Variants in AHCYL2 observed in about 807,000 individuals in gnomAD.
AHCYL2 encodes S-adenosylhomocysteine hydrolase-like protein 2.
In AHCYL2, 28 loss-of-function variants were observed where a neutral mutation model predicts 81.4. The ratio of observed to expected loss-of-function variants is 0.34; its 90% CI spans 0.25 to 0.47. AHCYL2 has a LOEUF of 0.47. AHCYL2 is among the 20% of genes least tolerant of loss of function. The pLI is 1.00. For synonymous variants in AHCYL2, 272 were observed against 290.2 expected, an observed-to-expected ratio of 0.94 and a Z score of 0.64; for missense variants, 551 against 785.1, an observed-to-expected ratio of 0.70 and a Z score of 3.56.
intron 1 of AHCYL2, among the ~76,000 whole-genome samples, chr7:129,348,775 T>A (rs1287052225): frequency 6.6e-6 from 1 of 152,210 alleles, no homozygotes; most frequent in Non-Finnish European, 1.5e-5. Context: ...TTTCTTCACC[T>A]AGGCCAAGGA....
intron 1 of AHCYL2, among the ~76,000 whole-genome samples, chr7:129,362,802 G>T (rs910974408): frequency 4.0e-5 from 6 of 151,776 alleles, no homozygotes; most frequent in Non-Finnish European, 2.9e-5. Context: ...AAGAAGACAG[G>T]GTCACATTCT....
At chr7:129,389,884 G>A in intron 4 of AHCYL2, 150 bp downstream of exon 4, 1 of 587,410 alleles carries the variant, frequency 1.7e-6, no homozygotes, top group South Asian at 2.9e-5. Context: ...AGGTATTCTT[G>A]TTTCCATTTT....
At chr7:129,284,482 C>G (rs938949069) in intron 1 of AHCYL2, among the ~76,000 whole-genome samples, 1 of 151,850 alleles carries the variant, frequency 6.6e-6, no homozygotes, top group Non-Finnish European at 1.5e-5. Context: ...GCCTGTAATC[C>G]CAGCTGCTTG....
At chr7:129,416,351 T>C (rs549210798) in intron 12 of AHCYL2, among the ~76,000 whole-genome samples, 1 of 152,338 alleles carries the variant, frequency 6.6e-6, no homozygotes, top group Admixed American at 6.5e-5. Context: ...ATGGAGCTTA[T>C]ATCATAGTGA....
intron 1 of AHCYL2, among the ~76,000 whole-genome samples, chr7:129,339,304 TA>T (rs1347610422): frequency 1.3e-5 from 2 of 152,346 alleles, no homozygotes; most frequent in East Asian, 3.9e-4. Context: ...TGAGAGTTAA[TA>T]TCTCTCAAAC....
chr7:129,347,092 T>C lies in AHCYL2; in HGVS notation c.364-32546T>C, dbSNP rs374825487. Among the ~76,000 whole-genome samples, 24 of 152,224 alleles carry C rather than the reference T, an allele frequency of 1.6e-4. No homozygotes were observed. In the South Asian group the frequency reaches 3.7e-3, roughly 24 times the overall value. On this transcript the variant is annotated intron_variant, in intron 1 of 16. Transcript: ENST00000325006. Reference sequence around the variant, plus strand: ...GTGACCTTCTGGTAGAGGAAAAATATGGAGACAGTGAAACGATCAGTGGTT... The same window carrying C: ...GTGACCTTCTGGTAGAGGAAAAATACGGAGACAGTGAAACGATCAGTGGTT...
In AHCYL2 at chr7:129,368,947, A is replaced by C. The variant is rs370747574; in HGVS notation, c.364-10691A>C. Among the ~76,000 whole-genome samples, 6 of 152,340 alleles carry C rather than the reference A, an allele frequency of 3.9e-5. No individual in the cohort carries two copies. The East Asian group carries it at 9.6e-4, about 24-fold the overall frequency. ...GAGAAAAAACAAAAACAGAACTTAC[A>C]GAAATGGTGCTCTCTGAAGTCTGCA... is the stretch of plus-strand genomic sequence containing the variant. On this transcript the variant is annotated intron_variant, in intron 1 of 16. Coordinates refer to ENST00000325006, the MANE Select transcript of AHCYL2 (RefSeq NM_015328.4). This position sits in a 1 kb window ranked among gnomAD's most constrained non-coding sequence, Gnocchi z 4.4.
chr7:129,368,204 G>A lies in AHCYL2; in HGVS notation c.364-11434G>A. 8.0e-7 allele frequency: 1 copy of A among 1,249,394 alleles called. No individual in the cohort carries two copies. Among genetic ancestry groups the A allele is most frequent in the Non-Finnish European group, 1.0e-6 (1 of 991,482 alleles). The allele number at this position is 1,249,394 out of a possible 1,614,324, so 77.4% of individuals were successfully genotyped here. A position where few individuals can be genotyped will look rare whatever the true frequency, so the allele number is the denominator to read the frequency against. On this transcript the variant is annotated intron_variant, in intron 1 of 16. Coordinates refer to ENST00000325006, the MANE Select transcript of AHCYL2 (RefSeq NM_015328.4). The surrounding 1 kb of genome is among the most constrained non-coding windows in gnomAD (Gnocchi z 4.4). ...AGTGTTTGGGTAGCATTAAAACAGT[G>A]AGTGCCCTGTGAGAAGCACAGTGCC...
At chr7:129,252,280 G>T (rs1230928483) in intron 1 of AHCYL2, among the ~76,000 whole-genome samples, 3 of 152,146 alleles carry the variant, frequency 2.0e-5, no homozygotes, top group Non-Finnish European at 4.4e-5. Flanking sequence ...AGATCCCAAG[G>T]GCTTTCAGGC....
chr7:129,322,034 C>A, intron 1 of AHCYL2, among the ~76,000 whole-genome samples: 1 of 151,798 alleles, frequency 6.6e-6, no homozygotes, highest in East Asian at 1.9e-4. Context: ...CCTTGGCCCC[C>A]CAAAGTGCTG....
chr7:129,324,312 T>G (rs916759231), intron 1 of AHCYL2, among the ~76,000 whole-genome samples: 8 of 152,234 alleles, frequency 5.3e-5, no homozygotes, highest in Non-Finnish European at 1.2e-4. Flanking sequence ...TTTTATGTAG[T>G]CTGACAATCT....
chr7:129,358,648 A>C (rs750551412), intron 1 of AHCYL2, among the ~76,000 whole-genome samples: 20 of 152,320 alleles, frequency 1.3e-4, no homozygotes, highest in Non-Finnish European at 2.6e-4. Context: ...TGAGATAATG[A>C]AAAAGTTTTG....
chr7:129,428,861 G>T lies in AHCYL2; in HGVS notation c.*1816G>T, dbSNP rs1797466357. The stretch of plus-strand genomic sequence containing the variant: ...CAAGTACTGGTTATATTCTTTTTTT[G>T]TAAGGAAGATCATAAATGCTAAAAA... On this transcript the variant is annotated 3_prime_UTR_variant, in exon 17 of 17. Transcript: ENST00000325006. The T allele has an allele frequency of 6.6e-6, 1 of 152,026 alleles. No individual in the cohort carries two copies. The highest frequency in any genetic ancestry group is 6.6e-5 in the Admixed American group (1 of 15,266). The allele number at this position is 152,026 out of a possible 1,614,324, so 9.4% of individuals were successfully genotyped here. A position where few individuals can be genotyped will look rare whatever the true frequency, so the allele number is the denominator to read the frequency against.
intron 1 of AHCYL2, among the ~76,000 whole-genome samples, chr7:129,354,326 A>G (rs1793666190): frequency 6.6e-6 from 1 of 152,208 alleles, no homozygotes. Context: ...TGGAAAAGAA[A>G]TTGTTTCCAT....
chr7:129,395,604 A>G (rs1474754432), intron 4 of AHCYL2, among the ~76,000 whole-genome samples: 2 of 152,084 alleles, frequency 1.3e-5, no homozygotes, highest in Non-Finnish European at 2.9e-5. Context: ...GACACAGTGG[A>G]TCTTTGCCTA....
chr7:129,424,292 CT>C (rs1378311475), intron 13 of AHCYL2, among the ~76,000 whole-genome samples: 9 of 151,678 alleles, frequency 5.9e-5, no homozygotes. Context: ...CCCAGTTACT[CT>C]GGAGGCTGAG....
At chr7:129,376,954 C>A (rs1794716411) in intron 1 of AHCYL2, among the ~76,000 whole-genome samples, 1 of 152,232 alleles carries the variant, frequency 6.6e-6, no homozygotes, top group South Asian at 2.1e-4. Flanking sequence ...TTCTTCCCAG[C>A]TCTTTTTGCC....
At chr7:129,421,870 A>G (rs577147678) in intron 12 of AHCYL2, among the ~76,000 whole-genome samples, 10 of 152,266 alleles carry the variant, frequency 6.6e-5, no homozygotes, top group African/African-American at 2.2e-4. Flanking sequence ...AGTCTTATCT[A>G]TATTCATGCT....
At chr7:129,350,051 A>T (rs1793502052) in intron 1 of AHCYL2, among the ~76,000 whole-genome samples, 1 of 152,208 alleles carries the variant, frequency 6.6e-6, no homozygotes. Context: ...CCAAATTTAT[A>T]CTGTGGTCAT....
Sources: gnomAD v4.1 joint callset for allele counts (sites outside exome capture counted in the v4.1 genomes callset) on GRCh38, gnomAD v4.1.1 for gene constraint, Gnocchi (gnomAD v3.1) non-coding constraint, MANE v1.5 for transcripts, NCBI Gene and HGNC (gene_info 2026-07-23, HGNC 2026-07-21) for gene names.